NAV3: variants seen among roughly 807,000 people sequenced by gnomAD.
The protein encoded by NAV3 is pore membrane and/or filament interacting like protein 1.
NAV3 carries 87 observed loss-of-function variants against 244.7 expected under a neutral mutation model. The ratio of observed to expected loss-of-function variants is 0.36; its 90% CI spans 0.30 to 0.42. The LOEUF (loss-of-function observed/expected upper bound fraction) is 0.42, where lower values mean the gene tolerates loss of function less well. Among genes scored for constraint, NAV3 ranks in the 20% least tolerant of loss-of-function variants. The pLI is 1.00. For missense variants in NAV3, 2,663 were observed against 2,893.3 expected, an observed-to-expected ratio of 0.92 and a Z score of 1.83; for synonymous variants, 1,126 against 1,042.2, an observed-to-expected ratio of 1.08 and a Z score of -1.55.
intron 26 of NAV3, 128 bp from the exon 27 acceptor site, chr12:78,177,011 ATT>A (rs1565763593): frequency 1.2e-6 from 1 of 809,158 alleles, no homozygotes; most frequent in Non-Finnish European, 2.0e-6. Flanking sequence ...CTGTGCTGCA[ATT>A]GTTAATACTC....
intron 23 of NAV3, among the ~76,000 whole-genome samples, chr12:78,163,727 T>C (rs1319192428): frequency 6.6e-6 from 1 of 152,126 alleles, no homozygotes; most frequent in Non-Finnish European, 1.5e-5. Flanking sequence ...GTTAATGTGC[T>C]TGCTGGGGAG....
At chr12:78,005,348 T>A (rs1874016522) in intron 7 of NAV3, among the ~76,000 whole-genome samples, 1 of 152,202 alleles carries the variant, frequency 6.6e-6, no homozygotes, top group South Asian at 2.1e-4. Context: ...TATGAAACAT[T>A]TAATGAATTT....
intron 39 of NAV3, among the ~76,000 whole-genome samples, chr12:78,205,401 T>G (rs541770946): frequency 6.6e-6 from 1 of 152,046 alleles, no homozygotes; most frequent in African/African-American, 2.4e-5. Flanking sequence ...TTAAATTGTG[T>G]ATATAATTAA....
At position 78,178,238 on chromosome 12, in the gene NAV3, C is replaced by A. The variant is rs989523893; in HGVS notation, c.5363+553C>A. Reference sequence around the variant, plus strand: ...GCGATGTCAAGATCTCGGTTCACTGCAACCTCTGCCTCATGGGTTCAAGCG... The same window carrying A: ...GCGATGTCAAGATCTCGGTTCACTGAAACCTCTGCCTCATGGGTTCAAGCG... On this transcript the variant is annotated intron_variant, in intron 28 of 39. Transcript: ENST00000397909. 4.9e-4 allele frequency among the ~76,000 whole-genome samples: 74 copies of A among 150,322 alleles called. No homozygotes were observed. In the Middle Eastern group the frequency reaches 0.021, roughly 43 times the overall value.
intron 12 of NAV3, among the ~76,000 whole-genome samples, chr12:78,074,640 G>T (rs1294231676): frequency 1.3e-5 from 2 of 152,178 alleles, no homozygotes; most frequent in African/African-American, 4.8e-5. Flanking sequence ...GGAGGTGGAG[G>T]TTGCAGTGAG....
intron 12 of NAV3, among the ~76,000 whole-genome samples, chr12:78,062,319 A>G (rs1884437768): frequency 6.6e-6 from 1 of 152,144 alleles, no homozygotes; most frequent in Admixed American, 6.5e-5. Context: ...AAAAATTTTT[A>G]TACCATTTTT....
chr12:77,670,820 C>T (rs891532307), intron 2 of NAV3, among the ~76,000 whole-genome samples: 1 of 152,086 alleles, frequency 6.6e-6, no homozygotes, highest in Non-Finnish European at 1.5e-5. Flanking sequence ...GACAAACCCA[C>T]AGACAACATT....
intron 22 of NAV3, among the ~76,000 whole-genome samples, chr12:78,150,487 CA>C (rs751509299): frequency 7.6e-6 from 1 of 131,084 alleles, no homozygotes; most frequent in Non-Finnish European, 1.6e-5. Flanking sequence ...TGGTATTTCA[CA>C]TTTTTTTGTT....
chr12:77,593,930 C>T (rs1870043133), intron 2 of NAV3, among the ~76,000 whole-genome samples: 1 of 152,118 alleles, frequency 6.6e-6, no homozygotes, highest in African/African-American at 2.4e-5. Flanking sequence ...CGATCCTAAA[C>T]ACGTGAAATT....
chr12:77,941,811 T>C (rs1304857882), intron 3 of NAV3, among the ~76,000 whole-genome samples: 8 of 152,122 alleles, frequency 5.3e-5, no homozygotes. Flanking sequence ...ACCTGAAATA[T>C]AAAATGCCTT....
Position 77,588,350 on chromosome 12 carries a change from C to T in NAV3, c.72+16084C>T, listed in dbSNP as rs1377613024. Among the ~76,000 whole-genome samples, 5 of 152,108 alleles carry T rather than the reference C, an allele frequency of 3.3e-5. No homozygotes were observed. The South Asian group carries it at 8.3e-4, about 25-fold the overall frequency. On this transcript the variant is annotated intron_variant, in intron 2 of 8. Coordinates refer to the NAV3 transcript ENST00000550042. ...CCCAGGCTGGTCTTGAACTCCTGAG[C>T]TCAAGTGATCATCCTGCCTTGGCCT...
chr12:77,773,097 T>G (rs1190237596), intron 2 of NAV3, among the ~76,000 whole-genome samples: 2 of 152,310 alleles, frequency 1.3e-5, no homozygotes, highest in East Asian at 1.9e-4. Context: ...CAGTAACATA[T>G]TCATGACATC....
intron 2 of NAV3, among the ~76,000 whole-genome samples, chr12:77,671,492 C>G (rs1873971063): frequency 6.6e-6 from 1 of 152,070 alleles, no homozygotes; most frequent in Non-Finnish European, 1.5e-5. Context: ...CTGGAGGCAT[C>G]ATATTACCTG....
intron 2 of NAV3, among the ~76,000 whole-genome samples, chr12:77,711,425 T>G (rs1169088809): frequency 6.6e-6 from 1 of 152,232 alleles, no homozygotes; most frequent in Non-Finnish European, 1.5e-5. Flanking sequence ...GGGGAATTGG[T>G]CAAAGCTGAG....
chr12:77,683,616 TG>T (rs970882384), intron 2 of NAV3, among the ~76,000 whole-genome samples: 1 of 152,176 alleles, frequency 6.6e-6, no homozygotes, highest in African/African-American at 2.4e-5. Flanking sequence ...TTGGGTAATA[TG>T]GGCATTTTAA....
chr12:78,010,283 G>A (rs1875035552), intron 8 of NAV3, among the ~76,000 whole-genome samples: 1 of 152,046 alleles, frequency 6.6e-6, no homozygotes, highest in South Asian at 2.1e-4. Context: ...GACTTTCACT[G>A]TTCTATCCCC....
intron 22 of NAV3, among the ~76,000 whole-genome samples, chr12:78,154,696 C>T (rs1314729802): frequency 1.3e-5 from 2 of 151,698 alleles, no homozygotes; most frequent in African/African-American, 2.4e-5. Context: ...TTACTCTGAC[C>T]TTAAAATTAT....
At chr12:77,623,978 T>C (rs1871500149) in intron 2 of NAV3, among the ~76,000 whole-genome samples, 1 of 152,310 alleles carries the variant, frequency 6.6e-6, no homozygotes, top group African/African-American at 2.4e-5. Context: ...TTTTTAAGTA[T>C]CCATTGTGTG....
At chr12:77,840,581 A>G (rs981968309) in intron 1 of NAV3, among the ~76,000 whole-genome samples, 6 of 152,246 alleles carry the variant, frequency 3.9e-5, no homozygotes, top group African/African-American at 7.2e-5. Context: ...CTTGGAGGAT[A>G]AATACATTTT....
Sources: gnomAD v4.1 joint callset for allele counts (sites outside exome capture counted in the v4.1 genomes callset) on GRCh38, gnomAD v4.1.1 for gene constraint, MANE v1.5 for transcripts, NCBI Gene and HGNC (gene_info 2026-07-23, HGNC 2026-07-21) for gene names.